The following GPLD1 variants were observed in gnomAD, a reference collection of about 807,000 sequenced individuals.
The protein encoded by GPLD1 is glycosylphosphatidylinositol specific phospholipase D1.
In GPLD1, 84 loss-of-function variants were observed where a neutral mutation model predicts 112.6. The observed-to-expected ratio is 0.75, with a 90% CI of 0.63 to 0.89. GPLD1 has a LOEUF of 0.89. Ranked by LOEUF, GPLD1 falls within the 40% of genes least tolerant of loss-of-function variation. The pLI, the probability that GPLD1 is intolerant of heterozygous loss-of-function variation, is 0.00. For missense variants in GPLD1, 1,044 were observed against 1,051.5 expected (o/e 0.99, Z 0.10); for synonymous variants, 386 against 403.8 (o/e 0.96, Z 0.53).
chr6:24,437,518 C>T (rs1194300628), intron 20 of GPLD1, among the ~76,000 whole-genome samples: 3 of 152,192 alleles, frequency 2.0e-5, no homozygotes, highest in Admixed American at 6.5e-5. Flanking sequence ...TTTTTCCAGT[C>T]TTATCCCCAT....
In GPLD1 at chr6:24,427,383, G is replaced by C. The variant is rs569230522; in HGVS notation, c.*1649C>G. On this transcript the variant is annotated 3_prime_UTR_variant, in exon 25 of 25. Transcript: ENST00000230036. ...TTTGGCACAAGTTGTAACCTAATGC[G>C]ACAAAGGTCCCTCATGAGATGGCTT... 6.6e-6 allele frequency among the ~76,000 whole-genome samples: 1 copy of C among 152,156 alleles called. No individual in the cohort carries two copies. Among genetic ancestry groups the C allele is most frequent in the Non-Finnish European group, 1.5e-5 (1 of 68,028 alleles).
At chr6:24,466,046 CA>C (rs1324612358) in intron 10 of GPLD1, among the ~76,000 whole-genome samples, 3 of 152,202 alleles carry the variant, frequency 2.0e-5, no homozygotes, top group Admixed American at 2.0e-4. Context: ...TGGGTTTTCC[CA>C]AAAGAAACAG....
At chr6:24,448,254 C>A (rs1351491924) in intron 15 of GPLD1, 46 bp from the exon 16 acceptor site, 2 of 1,271,586 alleles carry the variant, frequency 1.6e-6, no homozygotes, top group Admixed American at 1.7e-5. Flanking sequence ...CTGGTGGTGA[C>A]CCAAGAACCT....
At chr6:24,480,961 G>C (rs959631511) in intron 2 of GPLD1, among the ~76,000 whole-genome samples, 1 of 152,234 alleles carries the variant, frequency 6.6e-6, no homozygotes, top group Non-Finnish European at 1.5e-5. Context: ...TTTATGGGCA[G>C]AGTACAGGAC....
At position 24,442,422 on chromosome 6, in the gene GPLD1, ATTTTTTTTTTTTTTTTTTTTTTTTT is replaced by A. The variant is rs71002496; in HGVS notation, c.2020+3099_2020+3123del. 1.3e-4 allele frequency among the ~76,000 whole-genome samples: 8 copies of A among 60,638 alleles called. 1 individual carries two copies. Among genetic ancestry groups the A allele is most frequent in the East Asian group, 1.1e-3 (2 of 1,744 alleles). 39.8% of individuals were successfully genotyped at this position (60,638 alleles called of 152,430 possible). A position where few individuals can be genotyped will look rare whatever the true frequency, so the allele number is the denominator to read the frequency against. On this transcript the variant is annotated intron_variant, in intron 20 of 24. Transcript: ENST00000230036. Reference sequence around the variant, plus strand: ...AGGTGCATGCCACCACATCTGGCTAATTTTTTTTTTTTTTTTTTTTTTTTTTTTTTTTTTTTTTTTGAGATGGAAT... The same window carrying A: ...AGGTGCATGCCACCACATCTGGCTAATTTTTTTTTTTTTTTGAGATGGAAT...
chr6:24,436,401 G>A (rs1469855853), intron 22 of GPLD1, among the ~76,000 whole-genome samples, 175 bp downstream of exon 22: 1 of 152,202 alleles, frequency 6.6e-6, no homozygotes, highest in East Asian at 1.9e-4. Context: ...CACAAATGTT[G>A]CAGAACTGTA....
At chr6:24,436,402 C>G (rs1404099966) in intron 22 of GPLD1, among the ~76,000 whole-genome samples, 174 bp downstream of exon 22, 1 of 152,148 alleles carries the variant, frequency 6.6e-6, no homozygotes, top group African/African-American at 2.4e-5. Flanking sequence ...ACAAATGTTG[C>G]AGAACTGTAA....
chr6:24,479,962 G>A lies in GPLD1; in HGVS notation c.154-3C>T. ...GCATCCTGGTGTTCTAGTAACAGCTGCAGAGCAAGAAAATACAGAGATTAA... is the reference window on the plus strand; with the variant it reads ...GCATCCTGGTGTTCTAGTAACAGCTACAGAGCAAGAAAATACAGAGATTAA... On this transcript the variant is annotated splice_region_variant and splice_polypyrimidine_tract_variant and intron_variant, in intron 2 of 24. Transcript: ENST00000230036. 6.3e-7 allele frequency: 1 copy of A among 1,593,160 alleles called. No individual in the cohort carries two copies. The highest frequency in any genetic ancestry group is 8.6e-7 in the Non-Finnish European group (1 of 1,161,054).
intron 20 of GPLD1, among the ~76,000 whole-genome samples, chr6:24,444,702 T>C (rs1043022062): frequency 2.6e-5 from 4 of 151,958 alleles, no homozygotes; most frequent in South Asian, 2.1e-4. Context: ...AATAAAAAAT[T>C]AGATAATGTG....
At chr6:24,492,169 A>G (rs1764574361), upstream of GPLD1, among the ~76,000 whole-genome samples, 1 of 152,124 alleles carries the variant, frequency 6.6e-6, no homozygotes, top group Non-Finnish European at 1.5e-5. Context: ...ACAGGTTTGA[A>G]AGCCAGAGGG....
At chr6:24,433,077 T>C (rs1762457436) in intron 24 of GPLD1, 110 bp downstream of exon 24, 2 of 808,134 alleles carry the variant, frequency 2.5e-6, no homozygotes, top group Non-Finnish European at 4.5e-6. Flanking sequence ...TGTGTGTTCC[T>C]CTCCTTTTCA....
chr6:24,475,049 C>A (rs995700896), intron 5 of GPLD1, 72 bp downstream of exon 5: 8 of 787,578 alleles, frequency 1.0e-5, no homozygotes, highest in African/African-American at 3.4e-5. Context: ...TCTTTTAAAA[C>A]GGTCAGGTTT....
rs1763816933 is a variant in GPLD1 at position 24,471,394 on chromosome 6, T to C, written c.545+1188A>G. On this transcript the variant is annotated intron_variant, in intron 7 of 24. Transcript: ENST00000230036. ...GGGAGGATCATTTGGGCCTGGAAGT[T>C]GGAGTTTGCAGTGACCCAAGATCAC... 2.0e-5 allele frequency among the ~76,000 whole-genome samples: 3 copies of C among 151,710 alleles called. No individual in the cohort carries two copies. In the South Asian group the frequency reaches 6.3e-4, roughly 32 times the overall value.
At chr6:24,473,494 A>T in intron 6 of GPLD1, 125 bp downstream of exon 6, 1 of 617,296 alleles carries the variant, frequency 1.6e-6, no homozygotes, top group Non-Finnish European at 3.0e-6. Context: ...ATGAACTGCA[A>T]CATTAAATAG....
intron 19 of GPLD1, 41 bp from the exon 20 acceptor site, chr6:24,445,680 C>A (rs769799013): frequency 6.2e-7 from 1 of 1,604,176 alleles, no homozygotes; most frequent in South Asian, 1.1e-5. Context: ...GGTGAGAAAA[C>A]TTCCTTGGAG....
Position 24,446,992 on chromosome 6 carries a change from A to G in GPLD1, c.1679-13T>C. On this transcript the variant is annotated splice_polypyrimidine_tract_variant and intron_variant, in intron 17 of 24. Transcript: ENST00000230036. ...ACGTTCAGTTTTTCTAAAGAAGACA[A>G]CTCATCCTTTTTACTAATACTTTAA... The G allele has an allele frequency of 1.9e-6, 3 of 1,610,976 alleles. No homozygotes were observed. Among genetic ancestry groups the G allele is most frequent in the Non-Finnish European group, 8.5e-7 (1 of 1,178,162 alleles).
At chr6:24,449,683 A>G (rs2127335280) in intron 15 of GPLD1, 106 bp downstream of exon 15, 1 of 745,718 alleles carries the variant, frequency 1.3e-6, no homozygotes, top group East Asian at 2.5e-5. Context: ...TGTCTCACAC[A>G]CTGGCTGTCT....
intron 13 of GPLD1, among the ~76,000 whole-genome samples, chr6:24,455,791 T>A (rs1230029504): frequency 6.6e-6 from 1 of 152,226 alleles, no homozygotes; most frequent in Non-Finnish European, 1.5e-5. Flanking sequence ...ATTGTTGTGA[T>A]TATTTAGTAA....
At chr6:24,473,766 A>G (rs963472568) in intron 5 of GPLD1, 99 bp from the exon 6 acceptor site, 1 of 710,226 alleles carries the variant, frequency 1.4e-6, no homozygotes, top group Non-Finnish European at 2.5e-6. Context: ...AGCTAACTCA[A>G]TGAACTGCTG....
Sources: gnomAD v4.1 joint callset for allele counts (sites outside exome capture counted in the v4.1 genomes callset) on GRCh38, gnomAD v4.1.1 for gene constraint, MANE v1.5 for transcripts, NCBI Gene and HGNC (gene_info 2026-07-23, HGNC 2026-07-21) for gene names.